DYNLT2: variants seen among roughly 807,000 people sequenced by gnomAD.
DYNLT2 encodes dynein light chain Tctex-type 2.
Under a neutral mutation model 24.3 loss-of-function variants are expected in DYNLT2, and 24 were observed. That is an observed-to-expected ratio of 0.99 (90% CI 0.71 to 1.39). The LOEUF (loss-of-function observed/expected upper bound fraction) is 1.39. DYNLT2 is among the 40% of genes most tolerant of loss of function. The pLI is 0.00. For missense variants in DYNLT2, 246 were observed against 234.5 expected (o/e 1.05, Z -0.32); for synonymous variants, 85 against 85.4 (o/e 1.00, Z 0.03).
chr6:169,744,563 G>A (rs1007437064), intron 1 of DYNLT2, among the ~76,000 whole-genome samples: 1 of 152,122 alleles, frequency 6.6e-6, no homozygotes, highest in Non-Finnish European at 1.5e-5. Context: ...ATGATCCAAA[G>A]GAACTAGAAA....
downstream of DYNLT2, among the ~76,000 whole-genome samples, chr6:169,738,185 T>C (rs1342194374): frequency 1.3e-5 from 2 of 152,186 alleles, no homozygotes; most frequent in African/African-American, 2.4e-5. Context: ...CCTGGAACTA[T>C]AGAAATGGGT....
chr6:169,729,771 T>C, the DYNLT2 span, among the ~76,000 whole-genome samples: 1 of 152,138 alleles, frequency 6.6e-6, no homozygotes, highest in Admixed American at 6.5e-5. Flanking sequence ...AAGATTCATA[T>C]TCCTTCTCTT....
rs141144989 is a variant in DYNLT2 at position 169,740,217 on chromosome 6, G to A, written c.565C>T (p.Leu189=). ...AKHEAESYVA[L]VLVFALYYE ...TAATAAAGGGCAAACACCAAGACCAGTGCCACGTAGGATTCTGCTTCGTGT... is the reference window on the plus strand; with the variant it reads ...TAATAAAGGGCAAACACCAAGACCAATGCCACGTAGGATTCTGCTTCGTGT... Residue 189 remains leucine, a synonymous_variant, in exon 4 of 4, where the codon CTG becomes TTG. Transcript: ENST00000366774. 5 of 1,613,848 alleles carry A rather than the reference G, an allele frequency of 3.1e-6. No individual in the cohort carries two copies. The highest frequency in any genetic ancestry group is 4.2e-6 in the Non-Finnish European group (5 of 1,179,854).
intron 1 of DYNLT2, among the ~76,000 whole-genome samples, chr6:169,745,093 TTTTG>T (rs988281083): frequency 1.3e-5 from 2 of 151,974 alleles, no homozygotes; most frequent in African/African-American, 4.8e-5. Context: ...GTGAAGTTTT[TTTTG>T]TTTGTTTTTT....
chr6:169,751,316 C>A (rs1169545209), intron 1 of DYNLT2, 23 bp downstream of exon 1: 6 of 1,607,604 alleles, frequency 3.7e-6, no homozygotes, highest in South Asian at 3.3e-5. Context: ...CCGTCTCGGG[C>A]CCCTAGCAGT....
intron 1 of DYNLT2, among the ~76,000 whole-genome samples, chr6:169,747,499 TCCC>T (rs959474846): frequency 6.6e-6 from 1 of 152,004 alleles, no homozygotes; most frequent in East Asian, 1.9e-4. Context: ...TTTTTCAGCA[TCCC>T]CCCCAATTTC....
chr6:169,729,015 C>T, the DYNLT2 span, among the ~76,000 whole-genome samples: 2 of 152,166 alleles, frequency 1.3e-5, no homozygotes, highest in Non-Finnish European at 2.9e-5. Flanking sequence ...ATGATGAAAC[C>T]AGAATTTACT....
chr6:169,751,419 G>A lies in DYNLT2; in HGVS notation c.40C>T (p.Gln14Ter), dbSNP rs1329507496. 17 of 1,614,068 alleles carry A rather than the reference G, an allele frequency of 1.1e-5. No homozygotes were observed. The highest frequency in any genetic ancestry group is 4.0e-5 in the African/African-American group (3 of 74,934). Residue 14 changes from glutamine (Q) to a stop codon, truncating the protein, a stop_gained, in exon 1 of 4, where the codon CAG becomes TAG. Coordinates refer to ENST00000366774, the MANE Select transcript of DYNLT2 (RefSeq NM_174910.3). LOFTEE classifies it high-confidence loss of function. ...RGRGVKSSPI[Q>*]TPNQTPQQAP... ...TGCTGAGGGGTCTGGTTCGGGGTCT[G>A]GATGGGGCTCGACTTCACGCCTCGG...
intron 1 of DYNLT2, chr6:169,750,593 C>T (rs1789973301): frequency 6.6e-6 from 1 of 152,150 alleles, no homozygotes; most frequent in African/African-American, 2.4e-5. Context: ...GAAGAGAAAC[C>T]AGTATAGGCC....
intron 3 of DYNLT2, among the ~76,000 whole-genome samples, chr6:169,742,278 A>C (rs1789695239): frequency 6.6e-6 from 1 of 152,216 alleles, no homozygotes. Context: ...TTATAGATGA[A>C]GAAACTGTGC....
the DYNLT2 span, among the ~76,000 whole-genome samples, chr6:169,733,126 TGG>T: frequency 6.6e-6 from 1 of 152,096 alleles, no homozygotes; most frequent in Non-Finnish European, 1.5e-5. Context: ...CACTTTTTGA[TGG>T]GGTTGTTTTT....
At chr6:169,726,694 C>G in the DYNLT2 span, among the ~76,000 whole-genome samples, 1 of 152,142 alleles carries the variant, frequency 6.6e-6, no homozygotes, top group Non-Finnish European at 1.5e-5. Flanking sequence ...CCTCCATTTC[C>G]TCATTTGTAT....
chr6:169,737,418 G>T (rs1455507704), downstream of DYNLT2, among the ~76,000 whole-genome samples: 3 of 152,144 alleles, frequency 2.0e-5, no homozygotes, highest in African/African-American at 4.8e-5. Flanking sequence ...TGGGTTTTCA[G>T]CATTTTTTTC....
intron 1 of DYNLT2, among the ~76,000 whole-genome samples, chr6:169,748,903 T>C (rs1789875789): frequency 6.6e-6 from 1 of 152,230 alleles, no homozygotes; most frequent in Non-Finnish European, 1.5e-5. Context: ...TTTATTCCTT[T>C]TATTAAGAAT....
At chr6:169,745,859 C>G (rs1054881083) in intron 1 of DYNLT2, among the ~76,000 whole-genome samples, 4 of 152,074 alleles carry the variant, frequency 2.6e-5, no homozygotes, top group African/African-American at 9.7e-5. Context: ...ATAACTTTTT[C>G]CTTAAATGCT....
intron 1 of DYNLT2, among the ~76,000 whole-genome samples, chr6:169,744,736 T>C (rs1789756419): frequency 6.6e-6 from 1 of 152,282 alleles, no homozygotes; most frequent in South Asian, 2.1e-4. Flanking sequence ...ATTATTTAGA[T>C]AGCACATTCG....
At chr6:169,749,468 C>T (rs149844220) in intron 1 of DYNLT2, 5 of 152,312 alleles carry the variant, frequency 3.3e-5, no homozygotes, top group Admixed American at 2.6e-4. Flanking sequence ...TAATCTACTT[C>T]GCATTTTGTT....
chr6:169,739,208 CT>C (rs557162178), downstream of DYNLT2, among the ~76,000 whole-genome samples: 4,563 of 131,414 alleles, frequency 0.035, 153 homozygotes, highest in African/African-American at 0.092. Context: ...CAATTTTCTC[CT>C]TTTTTTTTTT....
At chr6:169,732,265 T>C in the DYNLT2 span, among the ~76,000 whole-genome samples, 1 of 152,234 alleles carries the variant, frequency 6.6e-6, no homozygotes, top group Non-Finnish European at 1.5e-5. Flanking sequence ...TCTCAGGGAA[T>C]TTTAGTTTAC....
Sources: allele counts gnomAD v4.1 joint callset (sites outside exome capture counted in the v4.1 genomes callset), GRCh38; gene constraint gnomAD v4.1.1; transcripts MANE v1.5; gene names NCBI Gene and HGNC (gene_info 2026-07-23, HGNC 2026-07-21).